TRMT11: variants seen among roughly 807,000 people sequenced by gnomAD.
TRMT11 encodes tRNA methyltransferase 11, also known as tRNA (guanine(10)-N(2))-methyltransferase TRMT11.
Under a neutral mutation model 62.8 loss-of-function variants are expected in TRMT11, and 53 were observed. The observed-to-expected ratio is 0.84, with a 90% CI of 0.68 to 1.06. The LOEUF is 1.06. Among genes scored for constraint, TRMT11 ranks in the 50% least tolerant of loss-of-function variants. TRMT11 has a pLI of 0.00. For synonymous variants in TRMT11, 188 were observed against 190.3 expected, an observed-to-expected ratio of 0.99 and a Z score of 0.10; for missense variants, 556 against 553.4, an observed-to-expected ratio of 1.00 and a Z score of -0.05.
At chr6:126,257,849 G>T in the TRMT11 span, 1 of 1,123,000 alleles carries the variant, frequency 8.9e-7, no homozygotes, top group East Asian at 2.4e-5. Flanking sequence ...AGGGTCCGCT[G>T]GTATTGCTCT....
intron 17 of TRMT11, among the ~76,000 whole-genome samples, chr6:126,073,170 G>A (rs561247996): frequency 3.3e-5 from 5 of 152,178 alleles, no homozygotes; most frequent in Non-Finnish European, 7.4e-5. Context: ...ATCAATGGCC[G>A]GGTGTCAAAT....
rs6940330 is a variant in TRMT11 at position 126,067,401 on chromosome 6, C to T, written c.*1437+14211C>T. Among the ~76,000 whole-genome samples the T allele has an allele frequency of 2.6e-5, 4 of 152,138 alleles. No homozygotes were observed. The East Asian group carries it at 7.7e-4, about 29-fold the overall frequency. On this transcript the variant is annotated intron_variant and NMD_transcript_variant, in intron 17 of 22. Transcript: ENST00000648977. ...TTGACTTTTAGATAATCCTTCATTGCTTACCCATATAGTTTTACCACTTAA... is the reference window on the plus strand; with the variant it reads ...TTGACTTTTAGATAATCCTTCATTGTTTACCCATATAGTTTTACCACTTAA...
intron 17 of TRMT11, among the ~76,000 whole-genome samples, chr6:126,103,835 A>G (rs141634458): frequency 2.6e-5 from 4 of 152,322 alleles, no homozygotes; most frequent in Non-Finnish European, 4.4e-5. Flanking sequence ...TGTCATAATG[A>G]GAGTGACTTC....
the TRMT11 span, among the ~76,000 whole-genome samples, chr6:126,238,243 T>C: frequency 9.9e-5 from 15 of 152,266 alleles, no homozygotes; most frequent in Non-Finnish European, 1.6e-4. Flanking sequence ...TATTTCTTGC[T>C]TTCTGCTAGC....
At chr6:126,128,251 A>T (rs1777740779) in intron 21 of TRMT11, among the ~76,000 whole-genome samples, 2 of 152,130 alleles carry the variant, frequency 1.3e-5, no homozygotes, top group Non-Finnish European at 2.9e-5. Flanking sequence ...AATGTCATCT[A>T]ATTCTAGACC....
intron 1 of TRMT11, among the ~76,000 whole-genome samples, chr6:126,182,728 G>T (rs140880512): frequency 9.9e-5 from 15 of 152,186 alleles, no homozygotes; most frequent in African/African-American, 3.1e-4. Context: ...TTAAAGATTT[G>T]CTCTTAGAGG....
Position 126,003,822 on chromosome 6 carries a change from C to G in TRMT11, c.679+4209C>G, listed in dbSNP as rs539513616. Among the ~76,000 whole-genome samples the G allele has an allele frequency of 1.9e-3, 293 of 152,066 alleles. 1 individual carries two copies. Among genetic ancestry groups the G allele is most frequent in the Non-Finnish European group, 7.1e-4 (48 of 67,950 alleles). On this transcript the variant is annotated intron_variant, in intron 7 of 12. Transcript: ENST00000334379. ...CTGTGATGTATGCTGCAGTATTTTCCCTTAGCTTGTCATTTATCTTTTGAC... is the reference window on the plus strand; with the variant it reads ...CTGTGATGTATGCTGCAGTATTTTCGCTTAGCTTGTCATTTATCTTTTGAC...
chr6:126,121,240 C>T (rs1053772887), intron 21 of TRMT11, among the ~76,000 whole-genome samples: 4 of 152,114 alleles, frequency 2.6e-5, no homozygotes, highest in Non-Finnish European at 5.9e-5. Context: ...TTTAATGAAT[C>T]AGGTACTAGT....
At chr6:126,133,283 A>T (rs1436953111) in intron 21 of TRMT11, among the ~76,000 whole-genome samples, 1 of 152,042 alleles carries the variant, frequency 6.6e-6, no homozygotes, top group Non-Finnish European at 1.5e-5. Flanking sequence ...TTTATTTCGC[A>T]GTTAAGTGTC....
At chr6:126,071,227 G>T (rs1157919404) in intron 17 of TRMT11, among the ~76,000 whole-genome samples, 1 of 151,984 alleles carries the variant, frequency 6.6e-6, no homozygotes, top group Non-Finnish European at 1.5e-5. Context: ...CCTTGGGGGG[G>T]TGGGGGTGCT....
intron 12 of TRMT11, among the ~76,000 whole-genome samples, chr6:126,030,322 T>G (rs888154827): frequency 4.6e-5 from 7 of 152,186 alleles, no homozygotes; most frequent in African/African-American, 1.7e-4. Flanking sequence ...CATGGGTAAT[T>G]ACCCTGAAGC....
chr6:126,265,231 C>T, the TRMT11 span, among the ~76,000 whole-genome samples: 11 of 152,172 alleles, frequency 7.2e-5, no homozygotes, highest in East Asian at 2.1e-3. Flanking sequence ...AAATTTTAAC[C>T]TCAACATGTA....
chr6:125,987,078 T>G, intron 1 of TRMT11: 1 of 163,554 alleles, frequency 6.1e-6, no homozygotes, highest in Non-Finnish European at 1.3e-5. Flanking sequence ...AGAATGCATG[T>G]AGTCGAAGAT....
chr6:126,142,776 A>G (rs1205785447), intron 21 of TRMT11, among the ~76,000 whole-genome samples: 1 of 152,086 alleles, frequency 6.6e-6, no homozygotes, highest in African/African-American at 2.4e-5. Context: ...CAGTGCTGAG[A>G]GCAGGGAGAC....
chr6:126,037,034 C>T (rs956572802), intron 12 of TRMT11, among the ~76,000 whole-genome samples: 3 of 151,938 alleles, frequency 2.0e-5, no homozygotes, highest in African/African-American at 7.2e-5. Flanking sequence ...ACCTCTCATC[C>T]AGTTCTACTT....
intron 1 of TRMT11, among the ~76,000 whole-genome samples, chr6:126,194,888 G>T (rs1276827311): frequency 2.6e-5 from 4 of 152,144 alleles, no homozygotes; most frequent in African/African-American, 9.7e-5. Context: ...GCTGAGGAGG[G>T]AGGATTACTT....
chr6:126,001,662 G>A (rs1229421504), intron 7 of TRMT11, among the ~76,000 whole-genome samples: 1 of 151,766 alleles, frequency 6.6e-6, no homozygotes, highest in Admixed American at 6.6e-5. Flanking sequence ...ACACATTAAG[G>A]CCATGTAGTA....
intron 21 of TRMT11, among the ~76,000 whole-genome samples, chr6:126,145,787 C>T (rs1375221636): frequency 6.6e-6 from 1 of 152,100 alleles, no homozygotes; most frequent in Admixed American, 6.6e-5. Context: ...TCTATTTCTC[C>T]CATTCAGCTG....
intron 1 of TRMT11, among the ~76,000 whole-genome samples, chr6:126,182,767 G>T (rs1391475648): frequency 6.6e-6 from 1 of 152,098 alleles, no homozygotes; most frequent in African/African-American, 2.4e-5. Context: ...GGACTCTGGG[G>T]ATTTCCTGAG....
Sources: allele counts gnomAD v4.1 joint callset (sites outside exome capture counted in the v4.1 genomes callset), GRCh38; gene constraint gnomAD v4.1.1; transcripts MANE v1.5; gene names NCBI Gene and HGNC (gene_info 2026-07-23, HGNC 2026-07-21).